CYYR1: variants seen among roughly 807,000 people sequenced by gnomAD.
CYYR1 encodes cysteine and tyrosine-rich protein 1.
In CYYR1, 14 loss-of-function variants were observed where a neutral mutation model predicts 15.2. The ratio of observed to expected loss-of-function variants is 0.92; its 90% confidence interval spans 0.61 to 1.44. The LOEUF (loss-of-function observed/expected upper bound fraction) is 1.44. CYYR1 is among the 40% of genes most tolerant of loss of function. CYYR1 has a pLI of 0.00. For missense variants in CYYR1, 228 were observed against 209.5 expected (o/e 1.09, Z -0.54); for synonymous variants, 80 against 77.4 (o/e 1.03, Z -0.18).
chr21:26,532,934 G>A (rs2065950659), intron 2 of CYYR1, among the ~76,000 whole-genome samples: 1 of 152,050 alleles, frequency 6.6e-6, no homozygotes, highest in East Asian at 1.9e-4. Flanking sequence ...ATGTTTATAA[G>A]GTATGTATAA....
intron 2 of CYYR1, among the ~76,000 whole-genome samples, chr21:26,544,624 A>G (rs1231160166): frequency 2.0e-5 from 3 of 152,336 alleles, no homozygotes; most frequent in South Asian, 2.1e-4. Flanking sequence ...AAGGGTATAC[A>G]TCCTGGTGAC....
chr21:26,539,178 T>C (rs2123638721), intron 2 of CYYR1, among the ~76,000 whole-genome samples: 1 of 152,306 alleles, frequency 6.6e-6, no homozygotes, highest in African/African-American at 2.4e-5. Flanking sequence ...ATTGTTCTCA[T>C]TCAAGTTCAC....
At chr21:26,552,376 G>A (rs752605530) in intron 2 of CYYR1, among the ~76,000 whole-genome samples, 5 of 152,094 alleles carry the variant, frequency 3.3e-5, no homozygotes, top group Non-Finnish European at 7.4e-5. Flanking sequence ...ACTTAAGTTA[G>A]CTATTTCAGT....
chr21:26,520,859 C>T (rs1234264582), intron 2 of CYYR1, among the ~76,000 whole-genome samples: 3 of 152,076 alleles, frequency 2.0e-5, no homozygotes, highest in Non-Finnish European at 2.9e-5. Flanking sequence ...AACCAACAAA[C>T]ATATGAGATC....
chr21:26,492,339 T>G (rs1269562219), intron 2 of CYYR1, among the ~76,000 whole-genome samples: 2 of 152,220 alleles, frequency 1.3e-5, no homozygotes, highest in Non-Finnish European at 2.9e-5. Flanking sequence ...GATACTGTAA[T>G]TGGCCTAGCT....
chr21:26,515,482 C>T (rs1188456024), intron 2 of CYYR1, among the ~76,000 whole-genome samples: 1 of 152,076 alleles, frequency 6.6e-6, no homozygotes, highest in African/African-American at 2.4e-5. Flanking sequence ...GCCTCAGCTC[C>T]CCAGGTAGCT....
chr21:26,509,756 G>A lies in CYYR1; in HGVS notation c.177-29327C>T, dbSNP rs115622009. 6.6e-3 allele frequency among the ~76,000 whole-genome samples: 1,001 copies of A among 152,216 alleles called. 10 individuals are homozygous for A. Among genetic ancestry groups the A allele is most frequent in the African/African-American group, 0.023 (935 of 41,520 alleles). ...CCATGTTTGCTACCGAGGATCTCAC[G>A]AAGGCTTTTATCCAACTCGTTCCAG... is the stretch of plus-strand genomic sequence containing the variant. On this transcript the variant is annotated intron_variant, in intron 2 of 3. Coordinates refer to ENST00000652641, the MANE Select transcript of CYYR1 (RefSeq NM_001320768.2).
chr21:26,485,418 A>T (rs1287329766), intron 2 of CYYR1, among the ~76,000 whole-genome samples: 2 of 152,136 alleles, frequency 1.3e-5, no homozygotes, highest in Non-Finnish European at 2.9e-5. Flanking sequence ...ATACAAAACT[A>T]TTCCATCATC....
At chr21:26,502,100 A>G (rs1220068561) in intron 2 of CYYR1, among the ~76,000 whole-genome samples, 1 of 152,190 alleles carries the variant, frequency 6.6e-6, no homozygotes, top group Non-Finnish European at 1.5e-5. Context: ...TTAAAAATAA[A>G]GCACTGATTT....
intron 2 of CYYR1, among the ~76,000 whole-genome samples, chr21:26,486,442 C>T (rs958492121): frequency 5.3e-5 from 8 of 151,770 alleles, no homozygotes; most frequent in Admixed American, 1.3e-4. Flanking sequence ...AATTTCTGTA[C>T]GAGGTATTAG....
intron 2 of CYYR1, among the ~76,000 whole-genome samples, chr21:26,495,358 C>A (rs1185393918): frequency 1.3e-5 from 2 of 152,260 alleles, no homozygotes; most frequent in East Asian, 3.9e-4. Context: ...CAAATATCTG[C>A]GCTAGGCTCT....
At chr21:26,480,972 T>G (rs1333231651) in intron 2 of CYYR1, among the ~76,000 whole-genome samples, 2 of 152,088 alleles carry the variant, frequency 1.3e-5, no homozygotes, top group Non-Finnish European at 2.9e-5. Context: ...AGAGAACAGT[T>G]ATGACAAATA....
chr21:26,547,779 C>CTTTTTT (rs11298777), intron 2 of CYYR1, among the ~76,000 whole-genome samples: 3 of 143,414 alleles, frequency 2.1e-5, no homozygotes, highest in African/African-American at 2.6e-5. Context: ...TCTATTTCTA[C>CTTTTTT]TTTTTTTTTT....
At chr21:26,497,064 C>A (rs544134257) in intron 2 of CYYR1, among the ~76,000 whole-genome samples, 1 of 152,236 alleles carries the variant, frequency 6.6e-6, no homozygotes, top group East Asian at 1.9e-4. Flanking sequence ...AAACAACACA[C>A]AACTTTGCTA....
chr21:26,499,389 A>G (rs984129179), intron 2 of CYYR1, among the ~76,000 whole-genome samples: 2 of 152,210 alleles, frequency 1.3e-5, no homozygotes, highest in African/African-American at 2.4e-5. Context: ...GAGGTAAGGA[A>G]GGTTTTTCCT....
chr21:26,528,832 G>T (rs760656485), intron 2 of CYYR1, among the ~76,000 whole-genome samples: 1 of 152,170 alleles, frequency 6.6e-6, no homozygotes, highest in Non-Finnish European at 1.5e-5. Flanking sequence ...CTTAAGTACT[G>T]ATTATATGTG....
At position 26,473,410 on chromosome 21, in the gene CYYR1, T is replaced by C. The variant is rs544725397; in HGVS notation, c.335-4776A>G. ...TGGCCTAACATGCAAAGATATAGTA[T>C]AACCTATTGTTCCCCTTCCACTCAG... On this transcript the variant is annotated intron_variant, in intron 3 of 3. Transcript: ENST00000652641. 2.6e-5 allele frequency among the ~76,000 whole-genome samples: 4 copies of C among 152,286 alleles called. No homozygotes were observed. In the East Asian group the frequency reaches 7.7e-4, roughly 29 times the overall value.
chr21:26,501,743 A>T (rs2065484345), intron 2 of CYYR1, among the ~76,000 whole-genome samples: 1 of 152,094 alleles, frequency 6.6e-6, no homozygotes, highest in African/African-American at 2.4e-5. Context: ...CCACAGTTAG[A>T]CTGAATGAAA....
chr21:26,497,116 C>T (rs1186766612), intron 2 of CYYR1, among the ~76,000 whole-genome samples: 5 of 152,118 alleles, frequency 3.3e-5, no homozygotes, highest in Non-Finnish European at 7.4e-5. Flanking sequence ...ATTTTCTTTA[C>T]TTGGAATCAG....
Sources: allele counts gnomAD v4.1 joint callset (sites outside exome capture counted in the v4.1 genomes callset), GRCh38; gene constraint gnomAD v4.1.1; transcripts MANE v1.5; gene names NCBI Gene and HGNC (gene_info 2026-07-23, HGNC 2026-07-21).